CSMD1: variants seen among roughly 807,000 people sequenced by gnomAD.
CSMD1 encodes CUB and Sushi multiple domains 1, also known as CUB and sushi domain-containing protein 1.
A neutral mutation model predicts 417.5 loss-of-function variants in CSMD1; 213 were observed. The ratio of observed to expected loss-of-function variants is 0.51; its 90% confidence interval spans 0.46 to 0.57. The LOEUF is 0.57. Among genes scored for constraint, CSMD1 ranks in the 20% least tolerant of loss-of-function variants. The probability of loss-of-function intolerance (pLI) is 0.00; values close to 1 mark genes in which losing one functional copy is unlikely to be tolerated. For missense variants in CSMD1, 6,923 were observed against 4,529.7 expected (o/e 1.53, Z -15.17); for synonymous variants, 2,862 against 1,736.8 (o/e 1.65, Z -16.11).
At chr8:3,748,034 C>G (rs527585324) in intron 6 of CSMD1, among the ~76,000 whole-genome samples, 24 of 152,070 alleles carry the variant, frequency 1.6e-4, no homozygotes, top group Non-Finnish European at 2.6e-4. Context: ...GCAAGACACA[C>G]AGGTAGAAGG....
intron 2 of CSMD1, among the ~76,000 whole-genome samples, chr8:4,611,503 G>A (rs1483570993): frequency 6.6e-6 from 1 of 152,108 alleles, no homozygotes; most frequent in Non-Finnish European, 1.5e-5. Context: ...TATAAAACTT[G>A]TGGATAAAAC....
chr8:4,418,794 T>C (rs1236767427), intron 3 of CSMD1, among the ~76,000 whole-genome samples: 1 of 152,144 alleles, frequency 6.6e-6, no homozygotes, highest in African/African-American at 2.4e-5. Flanking sequence ...ACTTATTCCT[T>C]GATAGTAACG....
intron 27 of CSMD1, among the ~76,000 whole-genome samples, chr8:3,227,925 C>G (rs1195154767): frequency 1.3e-5 from 2 of 151,760 alleles, no homozygotes; most frequent in Non-Finnish European, 2.9e-5. Context: ...GCACCACCAC[C>G]CCTGGCCAAT....
intron 68 of CSMD1, among the ~76,000 whole-genome samples, chr8:2,944,350 C>T (rs777303268): frequency 1.3e-5 from 2 of 152,140 alleles, no homozygotes; most frequent in Non-Finnish European, 2.9e-5. Context: ...TGTATGTGTG[C>T]ACTGAGGGTG....
intron 2 of CSMD1, among the ~76,000 whole-genome samples, chr8:4,502,239 C>G (rs1318404362): frequency 6.6e-6 from 1 of 151,932 alleles, no homozygotes. Context: ...GAACGTAGAA[C>G]TAGAAAGTTC....
chr8:4,196,126 G>A (rs1372416629), intron 3 of CSMD1, among the ~76,000 whole-genome samples: 1 of 152,098 alleles, frequency 6.6e-6, no homozygotes, highest in Non-Finnish European at 1.5e-5. Flanking sequence ...CAGGAGAATG[G>A]CTTGAACCCG....
rs747549011 is a variant in CSMD1 at position 3,324,072 on chromosome 8, C to G, written c.3632-15569G>C. ...CATCATTGTTAAAATAGACACACAC[C>G]CAACCCCAGAGACCCAGGTGGGGGA... is the stretch of plus-strand genomic sequence containing the variant. On this transcript the variant is annotated intron_variant, in intron 23 of 69. Coordinates refer to ENST00000635120, the MANE Select transcript of CSMD1 (RefSeq NM_033225.6). Among the ~76,000 whole-genome samples the G allele has an allele frequency of 1.5e-3, 198 of 135,160 alleles. 7 individuals carry two copies. The highest frequency in any genetic ancestry group is 3.6e-3 in the Admixed American group (44 of 12,328). 88.7% of individuals were successfully genotyped at this position (135,160 alleles called of 152,430 possible). A position where few individuals can be genotyped will look rare whatever the true frequency, so the allele number is the denominator to read the frequency against.
intron 1 of CSMD1, among the ~76,000 whole-genome samples, chr8:4,859,837 T>A (rs951013082): frequency 6.6e-6 from 1 of 152,164 alleles, no homozygotes; most frequent in Non-Finnish European, 1.5e-5. Context: ...TCAACCATTG[T>A]GGAAGTCAGT....
chr8:3,930,875 T>C (rs1454127984), intron 5 of CSMD1, among the ~76,000 whole-genome samples: 1 of 150,752 alleles, frequency 6.6e-6, no homozygotes. Context: ...CATTTTAGTC[T>C]AGTTTTAAAA....
intron 3 of CSMD1, among the ~76,000 whole-genome samples, chr8:4,059,689 C>T (rs1033516550): frequency 5.3e-5 from 8 of 152,180 alleles, no homozygotes; most frequent in African/African-American, 1.9e-4. Context: ...ACTAGAAAAT[C>T]TAGAAGAAAT....
chr8:4,652,889 T>A (rs1277250355), intron 1 of CSMD1, among the ~76,000 whole-genome samples: 1 of 151,378 alleles, frequency 6.6e-6, no homozygotes, highest in Non-Finnish European at 1.5e-5. Context: ...CCTGTAAGAA[T>A]CTAACGCCGC....
intron 2 of CSMD1, among the ~76,000 whole-genome samples, chr8:4,426,715 TTTA>T (rs1358926519): frequency 1.4e-5 from 2 of 147,534 alleles, no homozygotes; most frequent in African/African-American, 4.9e-5. Context: ...GCAGTAATAT[TTTA>T]TTACTATATA....
chr8:4,254,698 G>A (rs1482883160), intron 3 of CSMD1, among the ~76,000 whole-genome samples: 4 of 152,100 alleles, frequency 2.6e-5, no homozygotes, highest in South Asian at 4.2e-4. Context: ...TATTTTTACC[G>A]TACCTTTTCC....
intron 5 of CSMD1, among the ~76,000 whole-genome samples, chr8:3,951,539 A>G (rs1811601390): frequency 1.3e-5 from 2 of 152,156 alleles, no homozygotes; most frequent in Admixed American, 6.5e-5. Flanking sequence ...AAATATGATG[A>G]TCTATCTAAG....
chr8:3,441,619 C>A (rs1258980861), intron 12 of CSMD1, among the ~76,000 whole-genome samples: 1 of 151,902 alleles, frequency 6.6e-6, no homozygotes, highest in Non-Finnish European at 1.5e-5. Context: ...CCTCCTATCA[C>A]CTAATGACAT....
rs541454930 is a variant in CSMD1 at position 4,172,545 on chromosome 8, G to T, written c.416-140446C>A. On this transcript the variant is annotated intron_variant, in intron 3 of 69. Coordinates refer to ENST00000635120, the MANE Select transcript of CSMD1 (RefSeq NM_033225.6). Reference sequence around the variant, plus strand: ...TCTAACTATTTCTGCTTTGCTTGCAGTGGAAAGTGAGGCTCCACAAATCCA... The same window carrying T: ...TCTAACTATTTCTGCTTTGCTTGCATTGGAAAGTGAGGCTCCACAAATCCA... 2.6e-5 allele frequency among the ~76,000 whole-genome samples: 4 copies of T among 152,112 alleles called. No homozygotes were observed. In the South Asian group the frequency reaches 8.3e-4, roughly 32 times the overall value.
chr8:3,634,183 T>G (rs536148890), intron 7 of CSMD1, among the ~76,000 whole-genome samples: 1 of 152,270 alleles, frequency 6.6e-6, no homozygotes, highest in East Asian at 1.9e-4. Flanking sequence ...GTGTCTTCGT[T>G]TACCTGGGGA....
intron 2 of CSMD1, among the ~76,000 whole-genome samples, chr8:4,441,587 G>A (rs188971073): frequency 1.2e-4 from 19 of 152,112 alleles, no homozygotes; most frequent in Admixed American, 1.2e-3. Flanking sequence ...AACATTTTAT[G>A]TTCAATACAT....
intron 2 of CSMD1, among the ~76,000 whole-genome samples, chr8:4,548,561 A>G (rs778169929): frequency 5.3e-5 from 8 of 152,202 alleles, no homozygotes; most frequent in African/African-American, 9.7e-5. Context: ...TTCAATGCAC[A>G]AGCTTTTCTT....
Sources: gnomAD v4.1 joint callset for allele counts (sites outside exome capture counted in the v4.1 genomes callset) on GRCh38, gnomAD v4.1.1 for gene constraint, MANE v1.5 for transcripts, NCBI Gene and HGNC (gene_info 2026-07-23, HGNC 2026-07-21) for gene names.